Variants in CFAP77 observed in about 807,000 individuals in gnomAD.
The protein encoded by CFAP77 is cilia and flagella associated protein 77, also known as cilia- and flagella-associated protein 77.
Under a neutral mutation model 31.1 loss-of-function variants are expected in CFAP77, and 25 were observed. That is an observed-to-expected ratio of 0.80 (90% CI 0.59 to 1.12). The LOEUF (loss-of-function observed/expected upper bound fraction) is 1.12. Ranked by LOEUF, CFAP77 falls within the 50% of genes most tolerant of loss-of-function variation. The probability of loss-of-function intolerance (pLI) is 0.00; values close to 1 mark genes in which losing one functional copy is unlikely to be tolerated. For missense variants in CFAP77, 377 were observed against 397.3 expected, an observed-to-expected ratio of 0.95 and a Z score of 0.44; for synonymous variants, 151 against 159.9, an observed-to-expected ratio of 0.94 and a Z score of 0.42.
At chr9:132,503,906 G>A (rs553613449) in intron 3 of CFAP77, among the ~76,000 whole-genome samples, 5 of 152,206 alleles carry the variant, frequency 3.3e-5, no homozygotes, top group African/African-American at 4.8e-5. Context: ...AAAATGAGTC[G>A]GGCGTGGTGG....
chr9:132,482,380 C>T lies in CFAP77; in HGVS notation c.196-16315C>T, dbSNP rs146108588. On this transcript the variant is annotated intron_variant, in intron 1 of 5. Coordinates refer to ENST00000393216, the MANE Select transcript of CFAP77 (RefSeq NM_001282957.2). ...TCCTCAGCGGTGCAGAAAGTTATTC[C>T]TTCCCTTGCTGGACACCACATCAAA... 6 of 1,613,924 alleles carry T rather than the reference C, an allele frequency of 3.7e-6. No individual in the cohort carries two copies. Among genetic ancestry groups the T allele is most frequent in the Admixed American group, 3.3e-5 (2 of 60,000 alleles).
At chr9:132,516,955 T>C (rs112958074) in intron 3 of CFAP77, among the ~76,000 whole-genome samples, 1,861 of 152,256 alleles carry the variant, frequency 0.012, 35 homozygotes, top group African/African-American at 0.042. Flanking sequence ...GACAGCCACG[T>C]CATTCAGGAA....
intron 5 of CFAP77, among the ~76,000 whole-genome samples, chr9:132,546,956 G>A (rs1852742622): frequency 6.6e-6 from 1 of 152,250 alleles, no homozygotes; most frequent in Non-Finnish European, 1.5e-5. Context: ...GGGAGGGGAT[G>A]GGGGCCCTTG....
At chr9:132,514,700 T>A (rs1852115015) in intron 3 of CFAP77, among the ~76,000 whole-genome samples, 1 of 152,148 alleles carries the variant, frequency 6.6e-6, no homozygotes, top group Non-Finnish European at 1.5e-5. Flanking sequence ...AGAAGTCAGG[T>A]GTGTGCCGCT....
chr9:132,422,993 G>A (rs79732693), intron 1 of CFAP77, among the ~76,000 whole-genome samples: 5,890 of 152,254 alleles, frequency 0.039, 187 homozygotes, highest in African/African-American at 0.089. Context: ...CAAGTCCGCC[G>A]CGCTCCGTAT....
intron 3 of CFAP77, among the ~76,000 whole-genome samples, chr9:132,522,184 A>G (rs762340647): frequency 6.6e-6 from 1 of 152,128 alleles, no homozygotes; most frequent in Non-Finnish European, 1.5e-5. Flanking sequence ...TCCTATATGA[A>G]AATAGCCAGG....
intron 1 of CFAP77, among the ~76,000 whole-genome samples, chr9:132,462,797 CAA>C (rs1180576435): frequency 6.6e-6 from 1 of 151,572 alleles, no homozygotes; most frequent in Non-Finnish European, 1.5e-5. Flanking sequence ...GCTTGGGCAA[CAA>C]GAGCGAAACT....
intron 3 of CFAP77, among the ~76,000 whole-genome samples, chr9:132,507,761 C>T (rs753383432): frequency 3.3e-5 from 5 of 152,168 alleles, no homozygotes; most frequent in African/African-American, 7.2e-5. Context: ...AGATCCGAGG[C>T]AGTTTCTGAA....
At chr9:132,450,049 A>G (rs1850798368) in intron 1 of CFAP77, among the ~76,000 whole-genome samples, 1 of 152,030 alleles carries the variant, frequency 6.6e-6, no homozygotes, top group African/African-American at 2.4e-5. Context: ...AGTAGCTGGG[A>G]CTACTGGTGC....
chr9:132,454,929 C>T (rs1850887252), intron 1 of CFAP77, among the ~76,000 whole-genome samples: 2 of 152,150 alleles, frequency 1.3e-5, no homozygotes, highest in African/African-American at 2.4e-5. Flanking sequence ...CTTTCAAAGT[C>T]CCCTTAAGTC....
At chr9:132,547,565 G>T (rs73659094) in intron 5 of CFAP77, among the ~76,000 whole-genome samples, 3,462 of 152,292 alleles carry the variant, frequency 0.023, 125 homozygotes, top group African/African-American at 0.079. Context: ...AGACTCGGGT[G>T]TGACTGCCAC....
chr9:132,526,314 C>T (rs955384890), intron 3 of CFAP77, among the ~76,000 whole-genome samples: 3 of 152,030 alleles, frequency 2.0e-5, no homozygotes, highest in Admixed American at 1.3e-4. Flanking sequence ...ACTGCAACCT[C>T]CGCCTCCCGG....
intron 1 of CFAP77, among the ~76,000 whole-genome samples, chr9:132,477,459 C>T (rs10120692): frequency 0.079 from 12,089 of 152,134 alleles, 1,299 homozygotes; most frequent in East Asian, 0.36. Flanking sequence ...GAATACATAG[C>T]GAGTTGTTGA....
rs1275873856 is a variant in CFAP77, at chr9:132,501,768, G to A, written c.524+2168G>A. 5.3e-5 allele frequency among the ~76,000 whole-genome samples: 8 copies of A among 152,374 alleles called. No individual in the cohort carries two copies. In the East Asian group the frequency reaches 1.5e-3, roughly 29 times the overall value. ...GACGCCAGGCCTGGGTCATGTGTCT[G>A]CCTCAGAGCCAATGGCTGAGGCCAG... On this transcript the variant is annotated intron_variant, in intron 3 of 5. Coordinates refer to ENST00000393216, the MANE Select transcript of CFAP77 (RefSeq NM_001282957.2). The surrounding 1 kb of genome is among the most constrained non-coding windows in gnomAD (Gnocchi z 4.6).
intron 5 of CFAP77, among the ~76,000 whole-genome samples, chr9:132,562,934 G>A (rs761514347): frequency 5.3e-5 from 8 of 152,000 alleles, no homozygotes; most frequent in Admixed American, 3.3e-4. Flanking sequence ...TCCTGACCTC[G>A]TGATCTGCCT....
chr9:132,542,103 G>A (rs1362407694), intron 4 of CFAP77, among the ~76,000 whole-genome samples: 1 of 152,218 alleles, frequency 6.6e-6, no homozygotes, highest in Non-Finnish European at 1.5e-5. Flanking sequence ...TGAGCCCTGA[G>A]ATAAAGGACT....
rs111300664 is a variant in CFAP77, at chr9:132,428,358, C to A, written c.195+17892C>A. 6.1e-3 allele frequency among the ~76,000 whole-genome samples: 922 copies of A among 152,048 alleles called. 11 individuals are homozygous for A. Among genetic ancestry groups the A allele is most frequent in the African/African-American group, 0.021 (881 of 41,518 alleles). On this transcript the variant is annotated intron_variant, in intron 1 of 5. Coordinates refer to ENST00000393216, the MANE Select transcript of CFAP77 (RefSeq NM_001282957.2). ...GCAAGGAGCCGGGCACAGTGGCTCA[C>A]ACCTGTAATCCCAGCACTTTGGGAG... is the stretch of plus-strand genomic sequence containing the variant.
chr9:132,417,958 T>C (rs1850134620), intron 1 of CFAP77, among the ~76,000 whole-genome samples: 1 of 152,242 alleles, frequency 6.6e-6, no homozygotes, highest in Non-Finnish European at 1.5e-5. Context: ...TGTGCCCTAG[T>C]TGCGAGTGAA....
intron 3 of CFAP77, among the ~76,000 whole-genome samples, chr9:132,529,824 C>CAAAAA (rs572231164): frequency 8.6e-6 from 1 of 116,054 alleles, no homozygotes; most frequent in Non-Finnish European, 1.8e-5. Context: ...GACTCTGTCT[C>CAAAAA]AAAAAAAAAA....
Sources: allele counts gnomAD v4.1 joint callset (sites outside exome capture counted in the v4.1 genomes callset), GRCh38; gene constraint gnomAD v4.1.1; non-coding constraint Gnocchi (gnomAD v3.1); transcripts MANE v1.5; gene names NCBI Gene and HGNC (gene_info 2026-07-23, HGNC 2026-07-21).